Variants in LHFPL7 observed in about 807,000 individuals in gnomAD.
LHFPL7 encodes the protein LHFPL tetraspan subfamily member 7 protein.
At chr22:24,937,260 G>A in the LHFPL7 span, among the ~76,000 whole-genome samples, 4 of 152,342 alleles carry the variant, frequency 2.6e-5, no homozygotes, top group South Asian at 2.1e-4. Flanking sequence ...AGCAGAGCCC[G>A]TAATGAAGTG....
At chr22:24,938,167 C>G in the LHFPL7 span, 1 of 1,614,186 alleles carries the variant, frequency 6.2e-7, no homozygotes, top group South Asian at 1.1e-5. Flanking sequence ...GCCTGCACCC[C>G]TGGCATTGGA....
the LHFPL7 span, among the ~76,000 whole-genome samples, chr22:24,938,509 G>T: frequency 1.3e-5 from 2 of 152,206 alleles, no homozygotes; most frequent in African/African-American, 4.8e-5. Flanking sequence ...AACTGTCCAA[G>T]AAAATAAATT....
chr22:24,938,175 G>A, the LHFPL7 span: 2 of 1,614,076 alleles, frequency 1.2e-6, no homozygotes, highest in African/African-American at 1.3e-5. Context: ...CCCTGGCATT[G>A]GAACACTGCT....
the LHFPL7 span, among the ~76,000 whole-genome samples, chr22:24,945,529 C>T: frequency 2.0e-5 from 3 of 152,156 alleles, no homozygotes; most frequent in African/African-American, 7.2e-5. Context: ...GGCAAGGATG[C>T]CTCTAGGGCT....
the LHFPL7 span, among the ~76,000 whole-genome samples, chr22:24,937,559 G>C: frequency 2.0e-5 from 3 of 152,218 alleles, no homozygotes; most frequent in East Asian, 5.8e-4. Flanking sequence ...CGTTTGTCCA[G>C]TATGTGGCCA....
the LHFPL7 span, among the ~76,000 whole-genome samples, chr22:24,944,370 A>G: frequency 6.6e-6 from 1 of 152,152 alleles, no homozygotes; most frequent in East Asian, 1.9e-4. Flanking sequence ...GGAAAGCCCC[A>G]TGAGAAGGTG....
chr22:24,941,597 T>C, the LHFPL7 span, among the ~76,000 whole-genome samples: 103 of 111,560 alleles, frequency 9.2e-4, no homozygotes, highest in African/African-American at 3.2e-3. Flanking sequence ...ATTTTGCGTA[T>C]ATTTGTTTTT....
the LHFPL7 span, among the ~76,000 whole-genome samples, chr22:24,938,481 C>G: frequency 1.3e-5 from 2 of 152,284 alleles, no homozygotes; most frequent in South Asian, 2.1e-4. Context: ...ATTATGATCT[C>G]CATTTTACAT....
the LHFPL7 span, among the ~76,000 whole-genome samples, chr22:24,945,421 C>T: frequency 6.6e-6 from 1 of 152,054 alleles, no homozygotes; most frequent in South Asian, 2.1e-4. Flanking sequence ...GGGAGGAGGA[C>T]AAAGAGTGGT....
the LHFPL7 span, chr22:24,935,486 C>T: frequency 6.2e-7 from 1 of 1,613,934 alleles, no homozygotes; most frequent in Admixed American, 1.7e-5. Flanking sequence ...AACCCCAACC[C>T]AGCCGGCACT....
chr22:24,939,447 G>A, the LHFPL7 span: 35 of 703,016 alleles, frequency 5.0e-5, no homozygotes, highest in Non-Finnish European at 6.8e-5. Flanking sequence ...GGAGAAGGTC[G>A]GGGTCTGGAA....
chr22:24,938,563 A>C, the LHFPL7 span, among the ~76,000 whole-genome samples: 2 of 152,272 alleles, frequency 1.3e-5, no homozygotes. Flanking sequence ...GCCTCAGAAC[A>C]CATGGGTAAT....
chr22:24,939,432 C>G, the LHFPL7 span: 4 of 702,980 alleles, frequency 5.7e-6, no homozygotes, highest in Non-Finnish European at 1.0e-5. Flanking sequence ...GGTGAGGATG[C>G]CAAAGGAGAA....
chr22:24,936,126 C>T, the LHFPL7 span, among the ~76,000 whole-genome samples: 7 of 152,208 alleles, frequency 4.6e-5, no homozygotes, highest in South Asian at 1.5e-3. Flanking sequence ...CACTCAACTA[C>T]ACTTCCACCC....
At chr22:24,940,401 G>A in the LHFPL7 span, among the ~76,000 whole-genome samples, 1 of 149,676 alleles carries the variant, frequency 6.7e-6, no homozygotes, top group Non-Finnish European at 1.5e-5. Flanking sequence ...AGAACATCCT[G>A]GCTAACACGG....
chr22:24,937,470 C>T, the LHFPL7 span, among the ~76,000 whole-genome samples: 1 of 152,260 alleles, frequency 6.6e-6, no homozygotes, highest in South Asian at 2.1e-4. Context: ...TCAGATTTTA[C>T]TCTGAGTATG....
At chr22:24,944,520 C>T in the LHFPL7 span, among the ~76,000 whole-genome samples, 1 of 152,078 alleles carries the variant, frequency 6.6e-6, no homozygotes, top group Non-Finnish European at 1.5e-5. Flanking sequence ...TGCAAAGAGG[C>T]CCATGTGACT....
At chr22:24,941,964 C>T in the LHFPL7 span, among the ~76,000 whole-genome samples, 4 of 145,664 alleles carry the variant, frequency 2.7e-5, no homozygotes, top group South Asian at 8.5e-4. Context: ...TGCACCTGGC[C>T]GAAATTCAAA....
the LHFPL7 span, among the ~76,000 whole-genome samples, chr22:24,937,515 G>A: frequency 6.6e-6 from 1 of 152,198 alleles, no homozygotes; most frequent in Non-Finnish European, 1.5e-5. Context: ...AAGCCAGTCT[G>A]AGTGGCATGA....
Sources: allele counts gnomAD v4.1 joint callset (sites outside exome capture counted in the v4.1 genomes callset), GRCh38; gene constraint gnomAD v4.1.1; transcripts MANE v1.5; gene names NCBI Gene and HGNC (gene_info 2026-07-23, HGNC 2026-07-21).